DGKB: variants seen among roughly 807,000 people sequenced by gnomAD.
DGKB encodes the protein 90 kDa diacylglycerol kinase.
A neutral mutation model predicts 114.3 loss-of-function variants in DGKB; 67 were observed. The observed-to-expected ratio is 0.59, with a 90% CI of 0.48 to 0.72. The LOEUF (loss-of-function observed/expected upper bound fraction) is 0.72. Ranked by LOEUF, DGKB falls within the 30% of genes least tolerant of loss-of-function variation. The probability of loss-of-function intolerance (pLI) is 0.00; values close to 1 mark genes in which losing one functional copy is unlikely to be tolerated. For synonymous variants in DGKB, 398 were observed against 323.1 expected (o/e 1.23, Z -2.49); for missense variants, 907 against 975.2 (o/e 0.93, Z 0.93).
At chr7:14,859,146 A>G (rs962991169) in intron 1 of DGKB, among the ~76,000 whole-genome samples, 18 of 152,144 alleles carry the variant, frequency 1.2e-4, no homozygotes, top group Non-Finnish European at 2.5e-4. Flanking sequence ...GGCAGCAGAA[A>G]TGTCATGATC....
At chr7:14,634,588 A>G (rs956552165) in intron 13 of DGKB, among the ~76,000 whole-genome samples, 1 of 151,490 alleles carries the variant, frequency 6.6e-6, no homozygotes, top group African/African-American at 2.4e-5. Context: ...TGTAGTAGTT[A>G]AAGTGTTCCA....
intron 1 of DGKB, among the ~76,000 whole-genome samples, chr7:14,945,674 C>G (rs749442288): frequency 7.9e-5 from 12 of 151,580 alleles, no homozygotes; most frequent in Non-Finnish European, 1.6e-4. Context: ...AGGCAACTAA[C>G]AGATGTTATT....
chr7:14,960,531 C>T (rs961620114), intron 1 of DGKB, among the ~76,000 whole-genome samples: 1 of 151,682 alleles, frequency 6.6e-6, no homozygotes, highest in African/African-American at 2.4e-5. Flanking sequence ...AGAAATAGTG[C>T]TGTGGTAAAG....
intron 20 of DGKB, among the ~76,000 whole-genome samples, chr7:14,548,202 G>T (rs912015382): frequency 6.6e-6 from 1 of 152,116 alleles, no homozygotes; most frequent in Non-Finnish European, 1.5e-5. Flanking sequence ...TTTAACATCT[G>T]TTTGAGAACT....
chr7:14,490,435 T>C (rs1445920928), intron 20 of DGKB, among the ~76,000 whole-genome samples: 2 of 152,206 alleles, frequency 1.3e-5, no homozygotes, highest in African/African-American at 2.4e-5. Flanking sequence ...TCTCATTTCA[T>C]CTAGGCAGCC....
intron 1 of DGKB, among the ~76,000 whole-genome samples, chr7:14,854,360 G>A (rs1030976683): frequency 2.0e-5 from 3 of 152,282 alleles, no homozygotes; most frequent in African/African-American, 7.2e-5. Flanking sequence ...CTGCCACAAC[G>A]TTTATTATAG....
intron 23 of DGKB, among the ~76,000 whole-genome samples, chr7:14,245,545 A>G (rs1165358964): frequency 6.6e-6 from 1 of 152,160 alleles, no homozygotes; most frequent in Non-Finnish European, 1.5e-5. Flanking sequence ...TGGCAAGACT[A>G]ATGGTATAAT....
chr7:14,910,266 GAAAGAAAGAA>G (rs1783924180), intron 1 of DGKB, among the ~76,000 whole-genome samples: 1 of 91,694 alleles, frequency 1.1e-5, no homozygotes, highest in African/African-American at 4.5e-5. Context: ...AAGAAAGAAA[GAAAGAAAGAA>G]AGAAAGAAAG....
intron 1 of DGKB, among the ~76,000 whole-genome samples, chr7:14,950,078 G>A (rs1050404742): frequency 6.6e-6 from 1 of 150,942 alleles, no homozygotes; most frequent in Non-Finnish European, 1.5e-5. Context: ...TTGTGCACAT[G>A]TACCCTAGAA....
intron 2 of DGKB, among the ~76,000 whole-genome samples, chr7:14,759,671 T>C (rs1835403733): frequency 6.6e-6 from 1 of 152,196 alleles, no homozygotes; most frequent in Admixed American, 6.6e-5. Flanking sequence ...TGATGTACAT[T>C]CAACTTGTTT....
intron 20 of DGKB, among the ~76,000 whole-genome samples, chr7:14,534,538 T>G (rs898597889): frequency 6.6e-6 from 1 of 151,936 alleles, no homozygotes; most frequent in African/African-American, 2.4e-5. Context: ...AAGAACCAAC[T>G]AGATGCTTTC....
chr7:14,854,314 A>G (rs1849810581), intron 1 of DGKB, among the ~76,000 whole-genome samples: 1 of 152,162 alleles, frequency 6.6e-6, no homozygotes. Context: ...AAATGATCTC[A>G]GGAGGACTAA....
Position 14,766,353 on chromosome 7 carries a change from G to T in DGKB, c.71-8622C>A, listed in dbSNP as rs557881491. Among the ~76,000 whole-genome samples the T allele has an allele frequency of 1.5e-3, 231 of 152,002 alleles. 1 individual carries two copies. The highest frequency in any genetic ancestry group is 5.2e-3 in the African/African-American group (215 of 41,516). Reference sequence around the variant, plus strand: ...GCATGGAGGTGTTAGTGGTGGAGTAGGAAAGATGAATTATTTTGAAAGTAG... The same window carrying T: ...GCATGGAGGTGTTAGTGGTGGAGTATGAAAGATGAATTATTTTGAAAGTAG... On this transcript the variant is annotated intron_variant, in intron 2 of 25. Coordinates refer to ENST00000402815, the MANE Select transcript of DGKB (RefSeq NM_001350709.2).
intron 21 of DGKB, among the ~76,000 whole-genome samples, chr7:14,387,739 A>C (rs940940879): frequency 2.0e-5 from 3 of 151,972 alleles, no homozygotes; most frequent in African/African-American, 4.8e-5. Context: ...AGAGCTATAA[A>C]CTTAAATGAT....
chr7:14,309,683 AG>A (rs1384638971), intron 23 of DGKB, among the ~76,000 whole-genome samples: 1 of 152,204 alleles, frequency 6.6e-6, no homozygotes, highest in African/African-American at 2.4e-5. Flanking sequence ...AGGCTGACAA[AG>A]GGTAGATTTC....
intron 23 of DGKB, among the ~76,000 whole-genome samples, chr7:14,315,067 C>T (rs1169802751): frequency 6.6e-6 from 1 of 151,342 alleles, no homozygotes; most frequent in South Asian, 2.1e-4. Context: ...AAATACTTTA[C>T]AGACAAGCAA....
chr7:14,432,240 G>A (rs771092375), intron 21 of DGKB, among the ~76,000 whole-genome samples: 31 of 152,098 alleles, frequency 2.0e-4, no homozygotes, highest in Non-Finnish European at 4.3e-4. Context: ...TGTACTTGCT[G>A]TTGCCCTATC....
intron 2 of DGKB, among the ~76,000 whole-genome samples, chr7:14,767,234 C>A (rs1429850033): frequency 6.6e-6 from 1 of 151,712 alleles, no homozygotes; most frequent in Admixed American, 6.6e-5. Context: ...TAAACACCCA[C>A]TAGAATGTTG....
intron 25 of DGKB, among the ~76,000 whole-genome samples, chr7:14,167,351 G>T (rs1202968324): frequency 6.6e-6 from 1 of 152,138 alleles, no homozygotes; most frequent in Non-Finnish European, 1.5e-5. Context: ...AAAGCATGGG[G>T]GGAGTCCTAC....
Sources: allele counts gnomAD v4.1 joint callset (sites outside exome capture counted in the v4.1 genomes callset), GRCh38; gene constraint gnomAD v4.1.1; transcripts MANE v1.5; gene names NCBI Gene and HGNC (gene_info 2026-07-23, HGNC 2026-07-21).